MAN2A1: variants seen among roughly 807,000 people sequenced by gnomAD.
MAN2A1 encodes the protein mannosidase alpha class 2A member 1.
In MAN2A1, 76 loss-of-function variants were observed where a neutral mutation model predicts 142.6. The ratio of observed to expected loss-of-function variants is 0.53; its 90% confidence interval spans 0.44 to 0.65. The LOEUF (loss-of-function observed/expected upper bound fraction) is 0.65. MAN2A1 is among the 30% of genes least tolerant of loss of function. MAN2A1 has a pLI of 0.00. For synonymous variants in MAN2A1, 559 were observed against 473.2 expected (o/e 1.18, Z -2.35); for missense variants, 1,311 against 1,365.1 (o/e 0.96, Z 0.62).
chr5:109,690,301 G>A lies in MAN2A1; in HGVS notation c.-117G>A. ...CGGGGACTCGCACCCGCATCCGAGA[G>A]CGCGGAGGTCGCGCAGCCCGGGAGA... On this transcript the variant is annotated 5_prime_UTR_variant, in exon 1 of 22. Coordinates refer to ENST00000261483, the MANE Select transcript of MAN2A1 (RefSeq NM_002372.4). 2 of 1,068,316 alleles carry A rather than the reference G, an allele frequency of 1.9e-6. No homozygotes were observed. Among genetic ancestry groups the A allele is most frequent in the Non-Finnish European group, 2.8e-6 (2 of 705,224 alleles). 66.2% of individuals were successfully genotyped at this position (1,068,316 alleles called of 1,614,324 possible).
At chr5:109,739,048 C>T (rs1272656210) in intron 4 of MAN2A1, among the ~76,000 whole-genome samples, 3 of 151,930 alleles carry the variant, frequency 2.0e-5, no homozygotes, top group Admixed American at 6.6e-5. Context: ...TGCCATGTTG[C>T]GCAGGCTGGT....
intron 16 of MAN2A1, among the ~76,000 whole-genome samples, chr5:109,837,211 C>T (rs72814819): frequency 6.0e-5 from 9 of 150,974 alleles, no homozygotes; most frequent in Non-Finnish European, 1.3e-4. Context: ...GAGTATCTGT[C>T]TTTAATATTA....
intron 19 of MAN2A1, among the ~76,000 whole-genome samples, chr5:109,853,092 T>C (rs1755524937): frequency 6.6e-6 from 1 of 152,228 alleles, no homozygotes; most frequent in African/African-American, 2.4e-5. Context: ...ATCCATGACA[T>C]TGTTTCCTTT....
intron 12 of MAN2A1, among the ~76,000 whole-genome samples, chr5:109,797,568 G>A (rs978142915): frequency 2.6e-5 from 4 of 151,988 alleles, no homozygotes; most frequent in African/African-American, 9.7e-5. Flanking sequence ...GATGATGATC[G>A]GTATGGAGGA....
chr5:109,775,724 T>C (rs1753272074), intron 8 of MAN2A1, among the ~76,000 whole-genome samples: 1 of 152,126 alleles, frequency 6.6e-6, no homozygotes, highest in Non-Finnish European at 1.5e-5. Flanking sequence ...ATAAAAGTTC[T>C]GTTTAAAAAT....
At chr5:109,733,789 T>C (rs1384200676) in intron 4 of MAN2A1, among the ~76,000 whole-genome samples, 5 of 152,208 alleles carry the variant, frequency 3.3e-5, no homozygotes, top group Non-Finnish European at 5.9e-5. Flanking sequence ...GATTTTTGCA[T>C]CATTGTTCAT....
In MAN2A1 at chr5:109,696,025, T is replaced by C. The variant is rs1750801335; in HGVS notation, c.135+5473T>C. Among the ~76,000 whole-genome samples, 4 of 152,072 alleles carry C rather than the reference T, an allele frequency of 2.6e-5. 1 individual carries two copies. The South Asian group carries it at 8.3e-4, about 32-fold the overall frequency. The stretch of plus-strand genomic sequence containing the variant: ...ATGAACTCTGTCACTTGAGGTCATA[T>C]CATAGCTTTTCTGAAAGAGTGCCCT... On this transcript the variant is annotated intron_variant, in intron 1 of 21. Transcript: ENST00000261483.
At chr5:109,853,792 T>C (rs1253165238) in intron 19 of MAN2A1, 1 of 152,212 alleles carries the variant, frequency 6.6e-6, no homozygotes. Context: ...ACGAGCTGCA[T>C]TAAATTTCAG....
chr5:109,843,764 G>A (rs1374993646), intron 17 of MAN2A1, among the ~76,000 whole-genome samples: 2 of 152,082 alleles, frequency 1.3e-5, no homozygotes, highest in African/African-American at 2.4e-5. Flanking sequence ...ATTTAATAGA[G>A]CACTTTTGAT....
At chr5:109,756,801 A>T (rs1368101599) in intron 5 of MAN2A1, among the ~76,000 whole-genome samples, 1 of 152,222 alleles carries the variant, frequency 6.6e-6, no homozygotes, top group Non-Finnish European at 1.5e-5. Context: ...TATCCTAACG[A>T]TAAGAGTGGC....
At chr5:109,807,319 A>G (rs1754191810) in intron 12 of MAN2A1, among the ~76,000 whole-genome samples, 2 of 152,200 alleles carry the variant, frequency 1.3e-5, no homozygotes, top group African/African-American at 4.8e-5. Flanking sequence ...TTCAACAGGA[A>G]TAGTGTAACC....
intron 12 of MAN2A1, among the ~76,000 whole-genome samples, chr5:109,811,604 G>A (rs1033270685): frequency 6.6e-6 from 1 of 150,974 alleles, no homozygotes; most frequent in African/African-American, 2.4e-5. Flanking sequence ...GTGTGTGTGT[G>A]TGTCTGTGTC....
rs1752660347 is a variant in MAN2A1, at chr5:109,755,330, T to G, written c.709T>G (p.Leu237Val). The stretch of plus-strand genomic sequence containing the variant: ...AGACTCTTGTTATTTTCTCTCTAGT[T>G]TAATAGAAAATGGTCAGCTTGAAAT... ...DIQKKDAVKSLIENGQLEIVT... is the reference protein window; with the variant it reads ...DIQKKDAVKSVIENGQLEIVT... The change falls in exon 5 of 22, where the codon TTA becomes GTA. Residue 237 changes from leucine (L) to valine (V), a missense_variant and splice_region_variant. Leu to Val is a conservative substitution (Grantham distance 32, BLOSUM62 1). This residue lies in a region of MAN2A1 where 409 missense variants were observed against 412.7 expected (regional missense o/e 0.99). Coordinates refer to ENST00000261483, the MANE Select transcript of MAN2A1 (RefSeq NM_002372.4). The G allele has an allele frequency of 6.2e-7, 1 of 1,610,060 alleles. No individual in the cohort carries two copies. The highest frequency in any genetic ancestry group is 8.5e-7 in the Non-Finnish European group (1 of 1,176,774).
intron 8 of MAN2A1, among the ~76,000 whole-genome samples, chr5:109,780,268 C>T (rs1365471769): frequency 1.3e-5 from 2 of 151,916 alleles, no homozygotes; most frequent in African/African-American, 4.8e-5. Flanking sequence ...ACTGTGTTAG[C>T]CAGGATGGTC....
At chr5:109,828,795 G>C (rs1276784059) in intron 16 of MAN2A1, among the ~76,000 whole-genome samples, 2 of 152,178 alleles carry the variant, frequency 1.3e-5, no homozygotes, top group Non-Finnish European at 2.9e-5. Flanking sequence ...CAAGCAGCCT[G>C]GAGGTAAAAT....
At position 109,735,685 on chromosome 5, in the gene MAN2A1, G is replaced by A. The variant is rs145455944; in HGVS notation, c.707+6172G>A. Among the ~76,000 whole-genome samples, 256 of 152,172 alleles carry A rather than the reference G, an allele frequency of 1.7e-3. 1 individual carries two copies. Among genetic ancestry groups the A allele is most frequent in the African/African-American group, 6.0e-3 (251 of 41,518 alleles). On this transcript the variant is annotated intron_variant, in intron 4 of 21. Coordinates refer to ENST00000261483, the MANE Select transcript of MAN2A1 (RefSeq NM_002372.4). Reference sequence around the variant, plus strand: ...TATTTGGCCATCTTGGCTGCTCCCTGCACATTATTCTTAACTATATTAAAA... The same window carrying A: ...TATTTGGCCATCTTGGCTGCTCCCTACACATTATTCTTAACTATATTAAAA...
At chr5:109,733,423 G>A (rs970686458) in intron 4 of MAN2A1, among the ~76,000 whole-genome samples, 4 of 152,140 alleles carry the variant, frequency 2.6e-5, no homozygotes, top group East Asian at 1.9e-4. Context: ...GTGAGAGAGG[G>A]CATCCCTGTC....
intron 12 of MAN2A1, among the ~76,000 whole-genome samples, chr5:109,812,516 T>TA (rs1754347024): frequency 6.6e-6 from 1 of 152,166 alleles, no homozygotes; most frequent in African/African-American, 2.4e-5. Context: ...GAATACTGTA[T>TA]AAAGCTTAAT....
chr5:109,694,593 C>T (rs529438577), intron 1 of MAN2A1, among the ~76,000 whole-genome samples: 1 of 152,034 alleles, frequency 6.6e-6, no homozygotes, highest in Admixed American at 6.5e-5. Flanking sequence ...AAGCTATTCT[C>T]CTGCCTCAGC....
Sources: gnomAD v4.1 joint callset for allele counts (sites outside exome capture counted in the v4.1 genomes callset) on GRCh38, gnomAD v4.1.1 for gene constraint, gnomAD v4.1.1 regional missense constraint, MANE v1.5 for transcripts, NCBI Gene and HGNC (gene_info 2026-07-23, HGNC 2026-07-21) for gene names.